CERS6: variants seen among roughly 807,000 people sequenced by gnomAD.
CERS6 encodes ceramide synthase 6.
Under a neutral mutation model 56.8 loss-of-function variants are expected in CERS6, and 26 were observed. That is an observed-to-expected ratio of 0.46 (90% CI 0.34 to 0.63). The LOEUF (loss-of-function observed/expected upper bound fraction) is 0.63. Among genes scored for constraint, CERS6 ranks in the 30% least tolerant of loss-of-function variants. The probability of loss-of-function intolerance (pLI) is 0.01; values close to 1 mark genes in which losing one functional copy is unlikely to be tolerated. For synonymous variants in CERS6, 164 were observed against 173.3 expected (o/e 0.95, Z 0.42); for missense variants, 415 against 467.5 (o/e 0.89, Z 1.04).
chr2:168,717,226 T>C (rs1364394358), intron 7 of CERS6, among the ~76,000 whole-genome samples: 1 of 152,194 alleles, frequency 6.6e-6, no homozygotes, highest in African/African-American at 2.4e-5. Flanking sequence ...CATCTAAAAA[T>C]GACCCATTCA....
At chr2:168,503,098 T>C (rs1333985792) in intron 1 of CERS6, among the ~76,000 whole-genome samples, 1 of 152,132 alleles carries the variant, frequency 6.6e-6, no homozygotes, top group African/African-American at 2.4e-5. Context: ...GAGTGAGTTC[T>C]CATGAGATCT....
At chr2:168,518,024 G>C (rs1480529268) in intron 1 of CERS6, among the ~76,000 whole-genome samples, 1 of 152,164 alleles carries the variant, frequency 6.6e-6, no homozygotes, top group Non-Finnish European at 1.5e-5. Context: ...AGTGACTGTT[G>C]TTGATTTGAA....
chr2:168,494,734 A>G (rs1218885368), intron 1 of CERS6, among the ~76,000 whole-genome samples: 2 of 152,108 alleles, frequency 1.3e-5, no homozygotes, highest in Non-Finnish European at 1.5e-5. Context: ...GGCAGGCTGG[A>G]CAGGAGAACC....
intron 5 of CERS6, 51 bp downstream of exon 5, chr2:168,691,135 C>A: frequency 1.3e-6 from 2 of 1,551,068 alleles, no homozygotes; most frequent in Non-Finnish European, 1.8e-6. Context: ...TATCTACCTT[C>A]GGTCAATTTC....
intron 4 of CERS6, among the ~76,000 whole-genome samples, chr2:168,669,789 T>C (rs1195181036): frequency 6.6e-6 from 1 of 152,176 alleles, no homozygotes; most frequent in Non-Finnish European, 1.5e-5. Context: ...CTCTGAGACA[T>C]AAATTAGGAG....
intron 4 of CERS6, among the ~76,000 whole-genome samples, chr2:168,656,287 T>A (rs532798496): frequency 6.6e-6 from 1 of 152,342 alleles, no homozygotes; most frequent in East Asian, 1.9e-4. Context: ...GTAAGCTTTA[T>A]AAATTTTTTG....
intron 4 of CERS6, among the ~76,000 whole-genome samples, chr2:168,672,153 G>T (rs191628020): frequency 6.1e-4 from 93 of 152,280 alleles, no homozygotes; most frequent in Non-Finnish European, 1.2e-3. Flanking sequence ...CTGAATCATA[G>T]CCCTTGGAAG....
chr2:168,481,558 T>C (rs1369494108), intron 1 of CERS6, among the ~76,000 whole-genome samples: 1 of 152,240 alleles, frequency 6.6e-6, no homozygotes, highest in East Asian at 1.9e-4. Flanking sequence ...GTGTAAACAC[T>C]GAATAGAGTG....
intron 3 of CERS6, among the ~76,000 whole-genome samples, chr2:168,578,078 G>A (rs942374078): frequency 3.3e-5 from 5 of 152,180 alleles, no homozygotes; most frequent in African/African-American, 9.7e-5. Context: ...TGAAAGCAGC[G>A]TTGGGAGGTT....
chr2:168,571,856 A>G (rs942906315), intron 3 of CERS6, among the ~76,000 whole-genome samples: 23 of 152,200 alleles, frequency 1.5e-4, no homozygotes, highest in African/African-American at 5.5e-4. Context: ...TAAATTTACA[A>G]TTCAGTTATT....
intron 9 of CERS6, 56 bp from the exon 10 acceptor site, chr2:168,769,454 C>T: frequency 6.8e-7 from 1 of 1,463,422 alleles, no homozygotes; most frequent in Non-Finnish European, 9.1e-7. Context: ...TTCTAGCATG[C>T]CATACCTTGA....
chr2:168,576,124 GC>G (rs1190365952), intron 3 of CERS6, among the ~76,000 whole-genome samples: 1 of 152,092 alleles, frequency 6.6e-6, no homozygotes, highest in Non-Finnish European at 1.5e-5. Flanking sequence ...TCAGAGGAGA[GC>G]AAATCATAAG....
rs1474004895 is a variant in CERS6, at chr2:168,687,046, T to C, written c.466-3988T>C. On this transcript the variant is annotated intron_variant, in intron 4 of 9. Transcript: ENST00000305747. ...GTGGTGACTGCTTCAGTTTTCATTA[T>C]CTCCCTTCAATAGGAATGGAGAAAG... Among the ~76,000 whole-genome samples, 3 of 152,144 alleles carry C rather than the reference T, an allele frequency of 2.0e-5. No homozygotes were observed. The East Asian group carries it at 5.8e-4, about 29-fold the overall frequency.
chr2:168,516,500 C>T (rs1257318765), intron 1 of CERS6, among the ~76,000 whole-genome samples: 1 of 152,132 alleles, frequency 6.6e-6, no homozygotes, highest in East Asian at 1.9e-4. Flanking sequence ...ATTTCTTTGC[C>T]ATACGACTTT....
At chr2:168,753,201 T>C (rs1559081213) in intron 8 of CERS6, among the ~76,000 whole-genome samples, 1 of 152,226 alleles carries the variant, frequency 6.6e-6, no homozygotes, top group Non-Finnish European at 1.5e-5. Flanking sequence ...CCAGGTGTTT[T>C]GACTTCTAGT....
chr2:168,517,515 A>AATTAATT (rs1553486939), intron 1 of CERS6, among the ~76,000 whole-genome samples: 3,191 of 150,482 alleles, frequency 0.021, 120 homozygotes, highest in East Asian at 0.17. Context: ...ATAAATAAAT[A>AATTAATT]AATAAATAAT....
At chr2:168,552,559 C>T (rs757542042) in intron 2 of CERS6, among the ~76,000 whole-genome samples, 1 of 152,016 alleles carries the variant, frequency 6.6e-6, no homozygotes, top group Non-Finnish European at 1.5e-5. Context: ...TCTGGAGGGC[C>T]GTGTGGGGGT....
intron 8 of CERS6, among the ~76,000 whole-genome samples, chr2:168,761,213 G>A (rs1243761856): frequency 6.6e-6 from 1 of 152,104 alleles, no homozygotes; most frequent in Non-Finnish European, 1.5e-5. Context: ...AGGAAGCCAA[G>A]TCGATTTTCA....
chr2:168,481,985 A>G (rs1389709572), intron 1 of CERS6, among the ~76,000 whole-genome samples: 2 of 152,242 alleles, frequency 1.3e-5, no homozygotes, highest in African/African-American at 4.8e-5. Flanking sequence ...ACATTTTTCA[A>G]AGACTTTCAA....
Sources: gnomAD v4.1 joint callset for allele counts (sites outside exome capture counted in the v4.1 genomes callset) on GRCh38, gnomAD v4.1.1 for gene constraint, MANE v1.5 for transcripts, NCBI Gene and HGNC (gene_info 2026-07-23, HGNC 2026-07-21) for gene names.